The following PNPT1 variants were observed in gnomAD, a reference collection of about 807,000 sequenced individuals.
PNPT1 encodes the protein polyribonucleotide nucleotidyltransferase 1, mitochondrial.
A neutral mutation model predicts 119.5 loss-of-function variants in PNPT1; 53 were observed. The observed-to-expected ratio is 0.44, with a 90% CI of 0.36 to 0.56. The LOEUF (loss-of-function observed/expected upper bound fraction) is 0.56. Ranked by LOEUF, PNPT1 falls within the 20% of genes least tolerant of loss-of-function variation. The pLI, the probability that PNPT1 is intolerant of heterozygous loss-of-function variation, is 0.00. For missense variants in PNPT1, 948 were observed against 938.5 expected (o/e 1.01, Z -0.13); for synonymous variants, 357 against 322.1 (o/e 1.11, Z -1.16).
At chr2:55,671,289 AAAAAT>A (rs745836305) in intron 11 of PNPT1, 25 bp downstream of exon 11, 32 of 1,349,686 alleles carry the variant, frequency 2.4e-5, no homozygotes, top group Admixed American at 7.3e-5. Context: ...CCCTCAGCAA[AAAAAT>A]AAAATAAAAT....
chr2:55,639,859 C>T (rs563929453), intron 26 of PNPT1, among the ~76,000 whole-genome samples: 3 of 152,138 alleles, frequency 2.0e-5, no homozygotes, highest in African/African-American at 7.2e-5. Flanking sequence ...CCTGCCCCAA[C>T]AAGATTATCT....
chr2:55,644,525 T>C (rs1338124192), intron 23 of PNPT1, 112 bp downstream of exon 23: 1 of 685,764 alleles, frequency 1.5e-6, no homozygotes, highest in African/African-American at 1.8e-5. Flanking sequence ...TCCTGGTCTT[T>C]CTCTCATTTC....
At chr2:55,671,962 C>A in intron 10 of PNPT1, 33 bp downstream of exon 10, 1 of 1,505,840 alleles carries the variant, frequency 6.6e-7, no homozygotes, top group Non-Finnish European at 9.0e-7. Flanking sequence ...ATTCCTAGGG[C>A]AATTATGGAA....
chr2:55,669,397 T>A (rs1470117394), intron 11 of PNPT1, among the ~76,000 whole-genome samples: 2 of 152,208 alleles, frequency 1.3e-5, no homozygotes, highest in African/African-American at 4.8e-5. Flanking sequence ...GTGTATGGTT[T>A]ATTAAACATA....
intron 18 of PNPT1, among the ~76,000 whole-genome samples, chr2:55,651,637 C>G (rs1435995462): frequency 2.7e-5 from 4 of 150,428 alleles, no homozygotes; most frequent in African/African-American, 7.3e-5. Context: ...ACAAACACTG[C>G]GGAAGGCCGC....
intron 18 of PNPT1, among the ~76,000 whole-genome samples, chr2:55,654,273 A>G (rs1305151045): frequency 1.3e-5 from 2 of 151,946 alleles, no homozygotes; most frequent in Non-Finnish European, 2.9e-5. Flanking sequence ...AAAAAAAAAA[A>G]AAATCTCCTA....
At position 55,676,174 on chromosome 2, in the gene PNPT1, C is replaced by T. The variant is rs544734665; in HGVS notation, c.680-3095G>A. On this transcript the variant is annotated intron_variant, in intron 8 of 27. Coordinates refer to ENST00000447944, the MANE Select transcript of PNPT1 (RefSeq NM_033109.5). ...ACTTGGGAGGCCGAGTCAAGAGAAT[C>T]GCTTGAACCTGGAGATGGAGGTTGC... 7.2e-4 allele frequency among the ~76,000 whole-genome samples: 107 copies of T among 148,078 alleles called. 1 individual carries two copies. Among genetic ancestry groups the T allele is most frequent in the African/African-American group, 6.2e-4 (25 of 40,062 alleles).
At chr2:55,662,450 G>A (rs1278783819) in intron 13 of PNPT1, among the ~76,000 whole-genome samples, 3 of 152,198 alleles carry the variant, frequency 2.0e-5, no homozygotes, top group South Asian at 2.1e-4. Flanking sequence ...GCTGAGGCGG[G>A]CAGATCACAA....
At chr2:55,673,853 C>T (rs1211155105) in intron 8 of PNPT1, among the ~76,000 whole-genome samples, 1 of 152,048 alleles carries the variant, frequency 6.6e-6, no homozygotes, top group Non-Finnish European at 1.5e-5. Context: ...TTCCAAAGTG[C>T]TGGGGATTAC....
In PNPT1 at chr2:55,678,741, C is replaced by G. The variant is rs530161624; in HGVS notation, c.679+941G>C. 2.5e-3 allele frequency among the ~76,000 whole-genome samples: 375 copies of G among 152,276 alleles called. 1 individual carries two copies. Among genetic ancestry groups the G allele is most frequent in the Non-Finnish European group, 3.2e-3 (217 of 68,016 alleles). On this transcript the variant is annotated intron_variant, in intron 8 of 27. Transcript: ENST00000447944. ...TTTACCTGAGAGAAAAATAAAGTTT[C>G]CATCTTGTTTAAGTCTTGTTTATTT...
intron 12 of PNPT1, 35 bp from the exon 13 acceptor site, chr2:55,667,128 C>A: frequency 6.6e-7 from 1 of 1,505,194 alleles, no homozygotes; most frequent in Admixed American, 1.7e-5. Flanking sequence ...CATTAAGTAA[C>A]GCTGGAAACA....
intron 3 of PNPT1, among the ~76,000 whole-genome samples, chr2:55,685,335 G>A (rs1311873483): frequency 6.6e-6 from 1 of 152,132 alleles, no homozygotes; most frequent in African/African-American, 2.4e-5. Context: ...GAACTGCCTG[G>A]GTAACACAGA....
At chr2:55,641,244 A>G (rs1695825867) in intron 25 of PNPT1, among the ~76,000 whole-genome samples, 1 of 149,572 alleles carries the variant, frequency 6.7e-6, no homozygotes, top group African/African-American at 2.5e-5. Flanking sequence ...CTTTTAGAAT[A>G]TATGTTCTTC....
At chr2:55,647,562 C>T (rs1696041491) in intron 18 of PNPT1, 109 bp from the exon 19 acceptor site, 1 of 707,204 alleles carries the variant, frequency 1.4e-6, no homozygotes, top group Non-Finnish European at 2.3e-6. Context: ...GTCTGTTGCC[C>T]AGACTGGAGT....
chr2:55,654,437 T>C (rs1052787938), intron 18 of PNPT1, among the ~76,000 whole-genome samples: 3 of 152,214 alleles, frequency 2.0e-5, no homozygotes, highest in African/African-American at 7.2e-5. Flanking sequence ...TCTCTTATGA[T>C]TCCTAATAGT....
At chr2:55,690,379 A>T (rs1697557333) in intron 1 of PNPT1, among the ~76,000 whole-genome samples, 2 of 152,092 alleles carry the variant, frequency 1.3e-5, no homozygotes, top group South Asian at 4.1e-4. Flanking sequence ...TGTCACATGA[A>T]CTCAGTTTCG....
At chr2:55,673,147 T>C in intron 8 of PNPT1, 68 bp from the exon 9 acceptor site, 2 of 1,251,656 alleles carry the variant, frequency 1.6e-6, no homozygotes, top group South Asian at 3.1e-5. Context: ...CATTTTCAAA[T>C]ACCATGACAT....
At chr2:55,671,733 C>G (rs1279348237) in intron 10 of PNPT1, among the ~76,000 whole-genome samples, 1 of 152,164 alleles carries the variant, frequency 6.6e-6, no homozygotes, top group Non-Finnish European at 1.5e-5. Context: ...ACTTGGGAGG[C>G]TGAGGCATGA....
Position 55,684,999 on chromosome 2 carries a change from T to G in PNPT1, c.347A>C (p.Tyr116Ser), listed in dbSNP as rs1269852247. 6.3e-7 allele frequency: 1 copy of G among 1,595,724 alleles called. No individual in the cohort carries two copies. Among genetic ancestry groups the G allele is most frequent in the Non-Finnish European group, 8.6e-7 (1 of 1,166,732 alleles). The change falls in exon 4 of 28, where the codon TAT becomes TCT. Residue 116 changes from tyrosine (Y) to serine (S), a missense_variant. Coordinates refer to ENST00000447944, the MANE Select transcript of PNPT1 (RefSeq NM_033109.5). ...AGAAGTACCAATCTCTCTTCTCAGA[T>G]AGTTTGTGGGAATTCTACCTGCTGC... ...AAAAGRIPTN[Y>S]LRREIGTSDK...
Sources: allele counts gnomAD v4.1 joint callset (sites outside exome capture counted in the v4.1 genomes callset), GRCh38; gene constraint gnomAD v4.1.1; transcripts MANE v1.5; gene names NCBI Gene and HGNC (gene_info 2026-07-23, HGNC 2026-07-21).